ESR1: variants seen among roughly 807,000 people sequenced by gnomAD.
The protein encoded by ESR1 is estrogen receptor 1.
Under a neutral mutation model 52.7 loss-of-function variants are expected in ESR1, and 12 were observed. That is an observed-to-expected ratio of 0.23 (90% confidence interval 0.15 to 0.37). The LOEUF (loss-of-function observed/expected upper bound fraction) is 0.37. Among genes scored for constraint, ESR1 ranks in the 10% least tolerant of loss-of-function variants. ESR1 has a pLI of 1.00. For missense variants in ESR1, 584 were observed against 779.7 expected (o/e 0.75, Z 2.99); for synonymous variants, 305 against 316.8 (o/e 0.96, Z 0.39).
chr6:151,951,932 G>A (rs1468477881), intron 4 of ESR1, among the ~76,000 whole-genome samples: 1 of 152,086 alleles, frequency 6.6e-6, no homozygotes, highest in Non-Finnish European at 1.5e-5. Context: ...TCTTTACTGT[G>A]TACCATTGGG....
At chr6:152,121,103 G>C (rs1424476900) in intron 6 of ESR1, among the ~76,000 whole-genome samples, 2 of 152,162 alleles carry the variant, frequency 1.3e-5, no homozygotes, top group African/African-American at 4.8e-5. Context: ...AGAAGCCAGA[G>C]ACCTGAGTTT....
chr6:151,733,499 C>T (rs896497387), intron 2 of ESR1, among the ~76,000 whole-genome samples: 2 of 152,122 alleles, frequency 1.3e-5, no homozygotes, highest in Non-Finnish European at 2.9e-5. Context: ...TCCTCTTCCT[C>T]CTCATCATAA....
chr6:152,053,656 C>G lies in ESR1; in HGVS notation c.1236-7335C>G, dbSNP rs2046869463. On this transcript the variant is annotated intron_variant, in intron 5 of 7. Coordinates refer to ENST00000206249, the MANE Select transcript of ESR1 (RefSeq NM_000125.4). The surrounding 1 kb of genome is among the most constrained non-coding windows in gnomAD (Gnocchi z 4.1). ...TTTCTGTCTCTGTCTCTGTCTGCCTCTCTCTCTCTCTCTCTCTTCCCTAGT... is the reference window on the plus strand; with the variant it reads ...TTTCTGTCTCTGTCTCTGTCTGCCTGTCTCTCTCTCTCTCTCTTCCCTAGT... 1.1e-5 allele frequency among the ~76,000 whole-genome samples: 1 copy of G among 91,968 alleles called. No individual in the cohort carries two copies. The highest frequency in any genetic ancestry group is 1.9e-5 in the Non-Finnish European group (1 of 52,450). The allele number at this position is 91,968 out of a possible 152,430, so 60.3% of individuals were successfully genotyped here.
At chr6:151,995,811 C>A (rs1262560776) in intron 4 of ESR1, among the ~76,000 whole-genome samples, 1 of 152,158 alleles carries the variant, frequency 6.6e-6, no homozygotes, top group African/African-American at 2.4e-5. Flanking sequence ...TGAGTAATGA[C>A]CAGGCACCAG....
intron 3 of ESR1, among the ~76,000 whole-genome samples, chr6:151,918,114 G>A (rs1204119543): frequency 6.6e-6 from 1 of 152,166 alleles, no homozygotes; most frequent in East Asian, 1.9e-4. Context: ...CCAGTGATGG[G>A]GCAGACATGA....
At chr6:152,028,321 A>C (rs1054406481) in intron 5 of ESR1, among the ~76,000 whole-genome samples, 6 of 152,166 alleles carry the variant, frequency 3.9e-5, no homozygotes, top group African/African-American at 1.4e-4. Context: ...GCAGCGCACC[A>C]AGCATGAGCC....
chr6:151,983,800 G>A (rs1487337472), intron 4 of ESR1, among the ~76,000 whole-genome samples: 1 of 151,998 alleles, frequency 6.6e-6, no homozygotes, highest in African/African-American at 2.4e-5. Context: ...GGCAGAAGTG[G>A]TTGCTATTTG....
intron 2 of ESR1, among the ~76,000 whole-genome samples, chr6:151,777,315 T>C (rs144099677): frequency 0.12 from 17,783 of 151,704 alleles, 1,160 homozygotes; most frequent in Non-Finnish European, 0.13. Context: ...GACACGGTTT[T>C]ACCATGTTGC....
intron 1 of ESR1, among the ~76,000 whole-genome samples, chr6:151,657,610 T>C (rs1251807990): frequency 6.6e-6 from 1 of 152,216 alleles, no homozygotes; most frequent in East Asian, 1.9e-4. Flanking sequence ...ACTGGTGAAC[T>C]TTTCATGCTA....
chr6:152,097,415 G>A (rs1354426106), intron 7 of ESR1, among the ~76,000 whole-genome samples: 1 of 150,142 alleles, frequency 6.7e-6, no homozygotes, highest in Admixed American at 6.7e-5. Context: ...AAAAAAAAAA[G>A]TAACACTTAA....
At chr6:152,008,194 C>A (rs1479942058) in intron 4 of ESR1, among the ~76,000 whole-genome samples, 2 of 152,096 alleles carry the variant, frequency 1.3e-5, no homozygotes, top group Non-Finnish European at 2.9e-5. Context: ...TCATAGTCTT[C>A]ACATTCATTG....
intron 4 of ESR1, among the ~76,000 whole-genome samples, chr6:151,956,900 G>A (rs1456717738): frequency 1.0e-4 from 14 of 140,296 alleles, no homozygotes; most frequent in African/African-American, 3.8e-4. Flanking sequence ...TTTTTGAGAT[G>A]GAGTCTCACT....
At chr6:151,680,736 A>T (rs1319019142) in intron 1 of ESR1, among the ~76,000 whole-genome samples, 1 of 152,152 alleles carries the variant, frequency 6.6e-6, no homozygotes, top group Non-Finnish European at 1.5e-5. Context: ...GTTCCACTAG[A>T]ATATAAGCTT....
At chr6:151,685,274 C>T (rs1437337422) in intron 1 of ESR1, among the ~76,000 whole-genome samples, 1 of 151,228 alleles carries the variant, frequency 6.6e-6, no homozygotes, top group Non-Finnish European at 1.5e-5. Context: ...GCTGGGACTA[C>T]AGGCGCCCGC....
chr6:151,666,035 G>A (rs986622085), intron 1 of ESR1, among the ~76,000 whole-genome samples: 2 of 152,190 alleles, frequency 1.3e-5, no homozygotes, highest in African/African-American at 4.8e-5. Context: ...CAACTATCAT[G>A]ATCAGAAGAA....
chr6:151,771,571 G>T (rs1204087894), intron 2 of ESR1, among the ~76,000 whole-genome samples: 1 of 152,162 alleles, frequency 6.6e-6, no homozygotes. Flanking sequence ...GGAATGACAT[G>T]AAGAAAGTCC....
chr6:151,819,952 G>A (rs1480909744), intron 1 of ESR1, among the ~76,000 whole-genome samples: 2 of 152,190 alleles, frequency 1.3e-5, no homozygotes, highest in Admixed American at 6.5e-5. Context: ...GGCTTTGGTG[G>A]TAGGTGCAGA....
At chr6:151,955,853 T>C (rs1262139851) in intron 4 of ESR1, among the ~76,000 whole-genome samples, 1 of 152,170 alleles carries the variant, frequency 6.6e-6, no homozygotes, top group Non-Finnish European at 1.5e-5. Context: ...AACAGTATTT[T>C]TTTTTCCGAA....
At chr6:151,755,705 A>T (rs982154902) in intron 2 of ESR1, among the ~76,000 whole-genome samples, 11 of 150,740 alleles carry the variant, frequency 7.3e-5, no homozygotes, top group Non-Finnish European at 1.6e-4. Context: ...ATCTCTACTC[A>T]CTGCAACTTC....
Sources: allele counts gnomAD v4.1 joint callset (sites outside exome capture counted in the v4.1 genomes callset), GRCh38; gene constraint gnomAD v4.1.1; non-coding constraint Gnocchi (gnomAD v3.1); transcripts MANE v1.5; gene names NCBI Gene and HGNC (gene_info 2026-07-23, HGNC 2026-07-21).